The following GRID2 variants were observed in gnomAD, a reference collection of about 807,000 sequenced individuals.
GRID2 encodes the protein glutamate receptor ionotropic, delta-2.
A neutral mutation model predicts 114.8 loss-of-function variants in GRID2; 33 were observed. The observed-to-expected ratio is 0.29, with a 90% CI of 0.22 to 0.38. The LOEUF (loss-of-function observed/expected upper bound fraction) is 0.38. Ranked by LOEUF, GRID2 falls within the 10% of genes least tolerant of loss-of-function variation. The pLI is 1.00. For missense variants in GRID2, 1,184 were observed against 1,257.7 expected (o/e 0.94, Z 0.89); for synonymous variants, 505 against 449.9 (o/e 1.12, Z -1.55).
At chr4:92,463,273 A>G (rs554735894) in intron 1 of GRID2, among the ~76,000 whole-genome samples, 81 of 151,966 alleles carry the variant, frequency 5.3e-4, no homozygotes, top group African/African-American at 1.8e-3. Flanking sequence ...GCTCTTATCT[A>G]TTGGGAATTT....
chr4:92,625,646 G>A (rs887738350), intron 2 of GRID2, among the ~76,000 whole-genome samples: 1 of 151,720 alleles, frequency 6.6e-6, no homozygotes, highest in Non-Finnish European at 1.5e-5. Context: ...TTTTTTATCT[G>A]TAAATTGAAA....
At chr4:93,076,843 C>A (rs948399945) in intron 2 of GRID2, among the ~76,000 whole-genome samples, 1 of 151,924 alleles carries the variant, frequency 6.6e-6, no homozygotes, top group African/African-American at 2.4e-5. Flanking sequence ...GTCTCGAACT[C>A]CTGACCTCAA....
intron 1 of GRID2, among the ~76,000 whole-genome samples, chr4:92,480,565 T>A (rs1722537423): frequency 6.6e-6 from 1 of 152,110 alleles, no homozygotes; most frequent in African/African-American, 2.4e-5. Context: ...CTCACAGGTC[T>A]CAAGGCTAGA....
chr4:92,631,962 CA>C (rs1212082755), intron 2 of GRID2, among the ~76,000 whole-genome samples: 3 of 152,192 alleles, frequency 2.0e-5, no homozygotes, highest in Admixed American at 2.0e-4. Context: ...TTACTGTAAT[CA>C]ACTACAAATA....
At chr4:92,554,596 C>T (rs1726761082) in intron 1 of GRID2, among the ~76,000 whole-genome samples, 1 of 152,186 alleles carries the variant, frequency 6.6e-6, no homozygotes, top group African/African-American at 2.4e-5. Context: ...AAGCTGTTTA[C>T]AGCTAATGTA....
At chr4:92,676,265 C>T (rs1014348259) in intron 2 of GRID2, among the ~76,000 whole-genome samples, 4 of 148,782 alleles carry the variant, frequency 2.7e-5, no homozygotes, top group Non-Finnish European at 4.5e-5. Flanking sequence ...ACTGCAAGTC[C>T]GCCTCCCGGG....
chr4:93,229,590 A>C (rs1005674376), intron 7 of GRID2, among the ~76,000 whole-genome samples: 1 of 152,174 alleles, frequency 6.6e-6, no homozygotes, highest in African/African-American at 2.4e-5. Context: ...TAGTGTTGAA[A>C]TTTTTAATTA....
chr4:93,646,046 G>A (rs1277064762), intron 14 of GRID2, among the ~76,000 whole-genome samples: 1 of 152,148 alleles, frequency 6.6e-6, no homozygotes, highest in African/African-American at 2.4e-5. Flanking sequence ...TTATTGAGCA[G>A]TTACTTAGTG....
At position 92,318,983 on chromosome 4, in the gene GRID2, C is replaced by A. The variant is rs911609485; in HGVS notation, c.88+14239C>A. Among the ~76,000 whole-genome samples the A allele has an allele frequency of 2.0e-5, 3 of 152,010 alleles. No individual in the cohort carries two copies. In the East Asian group the frequency reaches 5.8e-4, roughly 29 times the overall value. On this transcript the variant is annotated intron_variant, in intron 1 of 15. Coordinates refer to ENST00000282020, the MANE Select transcript of GRID2 (RefSeq NM_001510.4). The stretch of plus-strand genomic sequence containing the variant: ...AGGAAGGAATGTACAGAGGGAACAA[C>A]TGGTTTGATGCTATGAGAGGTGGTT...
At chr4:92,448,612 T>G in intron 1 of GRID2, among the ~76,000 whole-genome samples, 1 of 152,112 alleles carries the variant, frequency 6.6e-6, no homozygotes, top group East Asian at 1.9e-4. Context: ...AACATTTACA[T>G]AAATGGAAGA....
chr4:93,124,633 A>G (rs1203323408), intron 4 of GRID2, among the ~76,000 whole-genome samples: 1 of 152,168 alleles, frequency 6.6e-6, no homozygotes, highest in Non-Finnish European at 1.5e-5. Flanking sequence ...ATACTTACTG[A>G]CAAAATCAAT....
At chr4:93,513,949 G>A (rs1317984527) in intron 12 of GRID2, among the ~76,000 whole-genome samples, 1 of 152,166 alleles carries the variant, frequency 6.6e-6, no homozygotes, top group East Asian at 1.9e-4. Flanking sequence ...TCTAGAAACA[G>A]ACCAAAAGAT....
intron 14 of GRID2, among the ~76,000 whole-genome samples, chr4:93,704,533 G>T (rs1188056717): frequency 6.6e-6 from 1 of 152,150 alleles, no homozygotes; most frequent in East Asian, 1.9e-4. Flanking sequence ...GGCTTTTGTT[G>T]CCATTGCTTT....
chr4:92,987,210 G>A (rs900918638), intron 2 of GRID2, among the ~76,000 whole-genome samples: 3 of 151,922 alleles, frequency 2.0e-5, no homozygotes, highest in South Asian at 2.1e-4. Context: ...TCTAAAATAC[G>A]GTGACTGATA....
intron 14 of GRID2, among the ~76,000 whole-genome samples, chr4:93,648,154 A>G (rs1722276905): frequency 6.6e-6 from 1 of 152,172 alleles, no homozygotes; most frequent in African/African-American, 2.4e-5. Context: ...TATAAACAGG[A>G]ACATGAGAAG....
chr4:92,657,516 G>C (rs1016538372), intron 2 of GRID2, among the ~76,000 whole-genome samples: 1 of 150,880 alleles, frequency 6.6e-6, no homozygotes, highest in Non-Finnish European at 1.5e-5. Flanking sequence ...GGTTCACATG[G>C]AACCAGCTTA....
intron 2 of GRID2, among the ~76,000 whole-genome samples, chr4:93,063,967 C>T (rs935310742): frequency 5.3e-5 from 8 of 150,814 alleles, no homozygotes; most frequent in African/African-American, 1.7e-4. Flanking sequence ...CCCACAATAT[C>T]AGAAATTTAA....
At chr4:93,443,275 G>C (rs1225298936) in intron 10 of GRID2, among the ~76,000 whole-genome samples, 1 of 151,828 alleles carries the variant, frequency 6.6e-6, no homozygotes, top group Non-Finnish European at 1.5e-5. Context: ...TCCCTATAAT[G>C]CCTTATATGT....
rs376396236 is a variant in GRID2 at position 93,105,834 on chromosome 4, A to C, written c.530-4914A>C. Among the ~76,000 whole-genome samples the C allele has an allele frequency of 3.9e-4, 59 of 152,238 alleles. No individual in the cohort carries two copies. The East Asian group carries it at 4.6e-3, about 12-fold the overall frequency. ...ACTGTGATTACACTAGAGCCACCCA[A>C]ATAATATGGGATAATCTCCCTATTT... On this transcript the variant is annotated intron_variant, in intron 3 of 15. Coordinates refer to ENST00000282020, the MANE Select transcript of GRID2 (RefSeq NM_001510.4).
Sources: allele counts gnomAD v4.1 joint callset (sites outside exome capture counted in the v4.1 genomes callset), GRCh38; gene constraint gnomAD v4.1.1; transcripts MANE v1.5; gene names NCBI Gene and HGNC (gene_info 2026-07-23, HGNC 2026-07-21).